PHACTR3: variants seen among roughly 807,000 people sequenced by gnomAD.
The protein encoded by PHACTR3 is phosphatase and actin regulator 3, also known as protein phosphatase 1, regulatory subunit 123.
Under a neutral mutation model 66.8 loss-of-function variants are expected in PHACTR3, and 16 were observed. The observed-to-expected ratio is 0.24, with a 90% CI of 0.16 to 0.36. The LOEUF (loss-of-function observed/expected upper bound fraction) is 0.36, where lower values mean the gene tolerates loss of function less well. Among genes scored for constraint, PHACTR3 ranks in the 10% least tolerant of loss-of-function variants. The probability of loss-of-function intolerance (pLI) is 1.00; values close to 1 mark genes in which losing one functional copy is unlikely to be tolerated. For synonymous variants in PHACTR3, 323 were observed against 292.1 expected, an observed-to-expected ratio of 1.11 and a Z score of -1.08; for missense variants, 647 against 719.9, an observed-to-expected ratio of 0.90 and a Z score of 1.16.
At chr20:59,621,136 C>T (rs1297400908) in intron 1 of PHACTR3, among the ~76,000 whole-genome samples, 1 of 152,246 alleles carries the variant, frequency 6.6e-6, no homozygotes, top group Non-Finnish European at 1.5e-5. Context: ...GCCCCCAGGG[C>T]CTCGCCTCTG....
At chr20:59,788,344 G>A (rs1345933970) in intron 7 of PHACTR3, among the ~76,000 whole-genome samples, 1 of 152,128 alleles carries the variant, frequency 6.6e-6, no homozygotes, top group African/African-American at 2.4e-5. Flanking sequence ...CAGACTGAGG[G>A]ATAGTGACAC....
At chr20:59,591,320 C>T (rs1341574788) in intron 1 of PHACTR3, among the ~76,000 whole-genome samples, 1 of 152,212 alleles carries the variant, frequency 6.6e-6, no homozygotes, top group Non-Finnish European at 1.5e-5. Flanking sequence ...TTCAGTTCCC[C>T]ACTTCCAGTG....
chr20:59,686,381 G>A (rs1429799497), intron 1 of PHACTR3, among the ~76,000 whole-genome samples: 2 of 152,180 alleles, frequency 1.3e-5, no homozygotes, highest in Non-Finnish European at 2.9e-5. Context: ...TTCTAGAGTT[G>A]GAGGGAGGAT....
chr20:59,670,128 G>A (rs549692993), intron 1 of PHACTR3, among the ~76,000 whole-genome samples: 1 of 152,326 alleles, frequency 6.6e-6, no homozygotes, highest in East Asian at 1.9e-4. Context: ...CCATTTAGGT[G>A]CTGCTCTTTC....
intron 1 of PHACTR3, among the ~76,000 whole-genome samples, chr20:59,610,733 A>C (rs2033820848): frequency 6.6e-6 from 1 of 152,162 alleles, no homozygotes; most frequent in Admixed American, 6.5e-5. Context: ...AAGCTCCCTG[A>C]GGGCAGGGCC....
chr20:59,806,077 C>T lies in PHACTR3; in HGVS notation c.1211C>T (p.Ala404Val). Residue 404 changes from alanine to valine, a missense_variant, in exon 8 of 13, where the codon GCC (alanine) becomes GTC (valine). Around this residue, in one of 2 missense-constraint regions of PHACTR3, gnomAD observed 577 missense variants for 571.1 expected, o/e 1.01. Coordinates refer to ENST00000371015, the MANE Select transcript of PHACTR3 (RefSeq NM_080672.5). ...LPRKCKKELL[A>V]VKLRNRPSKQ... ...CGGAAATGCAAGAAGGAGCTCCTGG[C>T]CGTGAAGCTAAGGAACCGGCCAAGC... 1 of 1,614,164 alleles carries T rather than the reference C, an allele frequency of 6.2e-7. No individual in the cohort carries two copies. Among genetic ancestry groups the T allele is most frequent in the Middle Eastern group, 1.6e-4 (1 of 6,062 alleles).
At position 59,830,948 on chromosome 20, in the gene PHACTR3, C is replaced by T. The variant is rs1250819347; in HGVS notation, c.1329-5557C>T. Among the ~76,000 whole-genome samples, 2 of 151,960 alleles carry T rather than the reference C, an allele frequency of 1.3e-5. No homozygotes were observed. Among genetic ancestry groups the T allele is most frequent in the East Asian group, 1.9e-4 (1 of 5,152 alleles). On this transcript the variant is annotated intron_variant, in intron 8 of 12. Transcript: ENST00000371015. The surrounding 1 kb of genome is among the most constrained non-coding windows in gnomAD (Gnocchi z 5.8). ...TGGGTGGCACAGTGGCATCATGACT[C>T]CTGGAGCCTCTCCAGGCGTCCTGAC...
At chr20:59,673,801 A>G (rs1053960459) in intron 1 of PHACTR3, among the ~76,000 whole-genome samples, 18 of 151,948 alleles carry the variant, frequency 1.2e-4, no homozygotes, top group Admixed American at 3.3e-4. Context: ...AGTGGTATCT[A>G]CACCCCTCCC....
At position 59,645,469 on chromosome 20, in the gene PHACTR3, G is replaced by C. The variant is rs565447663; in HGVS notation, c.118+40337G>C. Among the ~76,000 whole-genome samples the C allele has an allele frequency of 6.6e-5, 10 of 152,118 alleles. 1 individual carries two copies. The Middle Eastern group carries it at 0.01, about 155-fold the overall frequency. ...GATCCCAGCCTGTGGCGCCTTTCTC[G>C]TCACGTGTGTGTCCGCCCCACACTG... is the stretch of plus-strand genomic sequence containing the variant. On this transcript the variant is annotated intron_variant, in intron 1 of 12. Transcript: ENST00000371015.
In PHACTR3 at chr20:59,841,411, CT is replaced by C. The variant is rs1419825416; in HGVS notation, c.1464del (p.Val489LeufsTer4). The part of the protein sequence containing the change: ...RLTRKLNQRP[T>X]VDELRDRKIL... ...TAATTTTAGCTTAATCAGAGACCCA[CT>C]GTTGATGAATTAAGAGACAGAAAAA... On this transcript the variant is annotated frameshift_variant, in exon 11 of 13. Coordinates refer to ENST00000371015, the MANE Select transcript of PHACTR3 (RefSeq NM_080672.5). LOFTEE classifies it high-confidence loss of function. 1 of 1,612,404 alleles carries C rather than the reference CT, an allele frequency of 6.2e-7. No homozygotes were observed. Among genetic ancestry groups the C allele is most frequent in the Non-Finnish European group, 8.5e-7 (1 of 1,179,104 alleles).
chr20:59,808,484 G>A (rs550167708), intron 8 of PHACTR3, among the ~76,000 whole-genome samples: 1 of 152,364 alleles, frequency 6.6e-6, no homozygotes, highest in African/African-American at 2.4e-5. Context: ...GAGTCAGTCT[G>A]TGTAGGGCTG....
At chr20:59,636,961 C>T (rs540846174) in intron 1 of PHACTR3, among the ~76,000 whole-genome samples, 3 of 152,296 alleles carry the variant, frequency 2.0e-5, no homozygotes, top group South Asian at 2.1e-4. Context: ...TGAAAGCCCT[C>T]GATGGGTACA....
chr20:59,676,600 G>A (rs975515342), intron 1 of PHACTR3: 4 of 639,298 alleles, frequency 6.3e-6, no homozygotes, highest in South Asian at 7.1e-5. Flanking sequence ...CTCAGGGAGC[G>A]GAGCGAGTCC....
intron 10 of PHACTR3, among the ~76,000 whole-genome samples, 190 bp from the exon 11 acceptor site, chr20:59,841,205 T>A (rs1451092501): frequency 6.6e-6 from 1 of 152,090 alleles, no homozygotes; most frequent in Non-Finnish European, 1.5e-5. Context: ...GGAAGGGGGA[T>A]TGTGATTTAA....
chr20:59,686,353 G>T (rs1054011594), intron 1 of PHACTR3, among the ~76,000 whole-genome samples: 5 of 152,182 alleles, frequency 3.3e-5, no homozygotes, highest in Non-Finnish European at 7.3e-5. Context: ...TATACAATGG[G>T]AATAATAATA....
At chr20:59,797,427 G>T (rs1456080510) in intron 7 of PHACTR3, among the ~76,000 whole-genome samples, 1 of 151,614 alleles carries the variant, frequency 6.6e-6, no homozygotes, top group Non-Finnish European at 1.5e-5. Flanking sequence ...TCCATGCATT[G>T]GTATCTGCAC....
intron 8 of PHACTR3, among the ~76,000 whole-genome samples, chr20:59,821,214 T>C (rs1334953675): frequency 6.6e-6 from 1 of 152,156 alleles, no homozygotes; most frequent in East Asian, 1.9e-4. Context: ...CTAGTGGAGC[T>C]GAGATGTGAC....
chr20:59,742,555 G>A (rs1023775081), intron 1 of PHACTR3, among the ~76,000 whole-genome samples: 1 of 152,218 alleles, frequency 6.6e-6, no homozygotes, highest in Non-Finnish European at 1.5e-5. Context: ...CCCCAGGCCT[G>A]GGCTCTACCC....
intron 1 of PHACTR3, among the ~76,000 whole-genome samples, chr20:59,669,226 C>T (rs1048155626): frequency 1.2e-4 from 19 of 152,114 alleles, no homozygotes; most frequent in African/African-American, 4.6e-4. Context: ...TCAGTGTGAC[C>T]CCCGGTGTGG....
Sources: allele counts gnomAD v4.1 joint callset (sites outside exome capture counted in the v4.1 genomes callset), GRCh38; gene constraint gnomAD v4.1.1; regional missense constraint gnomAD v4.1.1; non-coding constraint Gnocchi (gnomAD v3.1); transcripts MANE v1.5; gene names NCBI Gene and HGNC (gene_info 2026-07-23, HGNC 2026-07-21).